SNX14: variants seen among roughly 807,000 people sequenced by gnomAD.
SNX14 encodes the protein sorting nexin 14.
Under a neutral mutation model 133.8 loss-of-function variants are expected in SNX14, and 93 were observed. That is an observed-to-expected ratio of 0.70 (90% confidence interval 0.59 to 0.83). The LOEUF is 0.83. Among genes scored for constraint, SNX14 ranks in the 40% least tolerant of loss-of-function variants. The probability of loss-of-function intolerance (pLI) is 0.00; values close to 1 mark genes in which losing one functional copy is unlikely to be tolerated. For missense variants in SNX14, 945 were observed against 1,094.9 expected, an observed-to-expected ratio of 0.86 and a Z score of 1.93; for synonymous variants, 368 against 365.6, an observed-to-expected ratio of 1.01 and a Z score of -0.07.
chr6:85,524,731 C>T, intron 21 of SNX14, among the ~76,000 whole-genome samples: 1 of 150,658 alleles, frequency 6.6e-6, no homozygotes, highest in East Asian at 1.9e-4. Flanking sequence ...CTGCAGTGAG[C>T]CAAAATCACA....
rs774916274 is a variant in SNX14 at position 85,528,328 on chromosome 6, C to T, written c.1929G>A (p.Arg643=). ...AFPDAQLPSK[R]IIGPKNYEFL... ...ATTCATAATTTTTGGGGCCAATGAT[C>T]CTCTTAGAAGGAAGCTGGGCATCAG... Residue 643 remains arginine, a synonymous_variant, in exon 20 of 29, where the codon AGG becomes AGA. Coordinates refer to ENST00000314673, the MANE Select transcript of SNX14 (RefSeq NM_153816.6). 1.2e-6 allele frequency: 2 copies of T among 1,613,296 alleles called. No homozygotes were observed. The highest frequency in any genetic ancestry group is 1.7e-6 in the Non-Finnish European group (2 of 1,179,660).
At position 85,516,061 on chromosome 6, in the gene SNX14, T is replaced by C. The variant is rs572680865; in HGVS notation, c.2269-1432A>G. On this transcript the variant is annotated intron_variant, in intron 23 of 28. Transcript: ENST00000314673. ...TTTGTATATTAACTTGTACTCTCTA[T>C]ATACATAGCCACAAATCAATGAGGT... Among the ~76,000 whole-genome samples the C allele has an allele frequency of 1.5e-4, 23 of 152,342 alleles. No homozygotes were observed. In the South Asian group the frequency reaches 3.7e-3, roughly 25 times the overall value.
At chr6:85,544,440 T>C (rs972072420) in intron 12 of SNX14, among the ~76,000 whole-genome samples, 1 of 152,068 alleles carries the variant, frequency 6.6e-6, no homozygotes, top group African/African-American at 2.4e-5. Flanking sequence ...AACATGCATA[T>C]AACTGGAGTT....
At chr6:85,559,093 A>G (rs775303787) in intron 6 of SNX14, among the ~76,000 whole-genome samples, 108 of 152,268 alleles carry the variant, frequency 7.1e-4, no homozygotes, top group Non-Finnish European at 7.1e-4. Context: ...TAATTTTTCA[A>G]TTCTTTTTAA....
At chr6:85,551,625 A>C (rs528868964) in intron 7 of SNX14, among the ~76,000 whole-genome samples, 5 of 152,334 alleles carry the variant, frequency 3.3e-5, no homozygotes, top group African/African-American at 9.6e-5. Context: ...TCTGGAATGC[A>C]GCCTTGTTTC....
At chr6:85,592,852 A>C (rs1803283095) in intron 1 of SNX14, among the ~76,000 whole-genome samples, 1 of 151,732 alleles carries the variant, frequency 6.6e-6, no homozygotes, top group South Asian at 2.1e-4. Flanking sequence ...AATACAAAAA[A>C]ATTAGCGTGG....
chr6:85,507,874 G>A (rs1039605937), intron 27 of SNX14, 94 bp downstream of exon 27: 1 of 840,952 alleles, frequency 1.2e-6, no homozygotes, highest in Non-Finnish European at 1.8e-6. Flanking sequence ...GTTTAGTATA[G>A]TGTCATTTAT....
chr6:85,587,419 CTATGAACAACTATATATTAATACA>C (rs1801270896), intron 1 of SNX14, among the ~76,000 whole-genome samples: 1 of 152,126 alleles, frequency 6.6e-6, no homozygotes. Flanking sequence ...AAAAATAAGA[CTATGAACAACTATATATTAATACA>C]TGGAAAATCT....
rs9450298 is a variant in SNX14, at chr6:85,556,310, T to C, written c.634+1666A>G. Among the ~76,000 whole-genome samples the C allele has an allele frequency of 9.0e-3, 1,363 of 152,226 alleles. 15 individuals are homozygous for C. The highest frequency in any genetic ancestry group is 0.03 in the African/African-American group (1,231 of 41,546). On this transcript the variant is annotated intron_variant, in intron 7 of 28. Transcript: ENST00000314673. ...TAGGCACAGTGGCTCACACCTGTAA[T>C]CTCAGCACTTTGGGAGGCCGAGGCA...
At position 85,547,143 on chromosome 6, in the gene SNX14, T is replaced by A; in HGVS notation, c.1077A>T (p.Ala359=). The A allele has an allele frequency of 1.9e-6, 3 of 1,613,990 alleles. No individual in the cohort carries two copies. The highest frequency in any genetic ancestry group is 2.5e-6 in the Non-Finnish European group (3 of 1,179,906). The change falls in exon 12 of 29, where the codon GCA becomes GCT. Residue 359 remains alanine (A), a synonymous_variant. Coordinates refer to ENST00000314673, the MANE Select transcript of SNX14 (RefSeq NM_153816.6). ...TCAAACAAAACTGCAACACGTGCAC[T>A]GCGCCTTCTTGTTTCAGAAAGTTCA... The part of the protein sequence containing the change: ...RFMNFLKQEG[A]VHVLQFCLTV...
chr6:85,529,690 C>T (rs1779637279), intron 19 of SNX14, among the ~76,000 whole-genome samples: 1 of 152,170 alleles, frequency 6.6e-6, no homozygotes, highest in South Asian at 2.1e-4. Flanking sequence ...TTTGCTCTTA[C>T]AGCAGGGACA....
At chr6:85,588,441 G>A (rs934955333) in intron 1 of SNX14, among the ~76,000 whole-genome samples, 2 of 152,032 alleles carry the variant, frequency 1.3e-5, no homozygotes, top group Non-Finnish European at 2.9e-5. Flanking sequence ...GCCGGGCGCG[G>A]TGGCGGGCGC....
At chr6:85,537,922 A>T (rs979382598) in intron 16 of SNX14, among the ~76,000 whole-genome samples, 1 of 152,316 alleles carries the variant, frequency 6.6e-6, no homozygotes, top group South Asian at 2.1e-4. Flanking sequence ...GTGAGGCTCC[A>T]TCAAGAAAAT....
chr6:85,567,625 TG>T (rs1321439388), intron 4 of SNX14, 48 bp from the exon 5 acceptor site: 3 of 1,290,462 alleles, frequency 2.3e-6, no homozygotes, highest in Admixed American at 5.4e-5. Context: ...AATTAGTTTT[TG>T]GAAAATAAAT....
chr6:85,516,979 A>G (rs746072627), intron 23 of SNX14, among the ~76,000 whole-genome samples: 1 of 152,122 alleles, frequency 6.6e-6, no homozygotes, highest in South Asian at 2.1e-4. Flanking sequence ...ATACAAAAAG[A>G]GCTACACCAC....
At chr6:85,522,685 A>G (rs1324130297) in intron 21 of SNX14, among the ~76,000 whole-genome samples, 1 of 152,152 alleles carries the variant, frequency 6.6e-6, no homozygotes, top group African/African-American at 2.4e-5. Context: ...TGAAACCTAA[A>G]TCTGATTAGG....
At chr6:85,531,060 C>T (rs897955928) in intron 18 of SNX14, among the ~76,000 whole-genome samples, 2 of 152,080 alleles carry the variant, frequency 1.3e-5, no homozygotes, top group Non-Finnish European at 2.9e-5. Context: ...CCACATGTTG[C>T]CACTGAGTAC....
At position 85,528,079 on chromosome 6, in the gene SNX14, A is replaced by G. The variant is rs4351223; in HGVS notation, c.1995+183T>C. Among the ~76,000 whole-genome samples, 112,212 of 151,836 alleles carry G rather than the reference A, an allele frequency of 0.74. 42,784 individuals are homozygous for G. Among genetic ancestry groups the G allele is most frequent in the African/African-American group, 0.92 (38,201 of 41,418 alleles). Reference sequence around the variant, plus strand: ...CTTGCATTTCATTCAATTTGGAGGGAGGGTAAGTAATATACTTTTGACAAA... The same window carrying G: ...CTTGCATTTCATTCAATTTGGAGGGGGGGTAAGTAATATACTTTTGACAAA... On this transcript the variant is annotated intron_variant, in intron 20 of 28. Coordinates refer to ENST00000314673, the MANE Select transcript of SNX14 (RefSeq NM_153816.6).
chr6:85,536,135 T>C (rs1781896639), intron 17 of SNX14, among the ~76,000 whole-genome samples: 1 of 152,102 alleles, frequency 6.6e-6, no homozygotes, highest in Non-Finnish European at 1.5e-5. Flanking sequence ...CAGTTCAACT[T>C]GGGGATTTGG....
Sources: allele counts gnomAD v4.1 joint callset (sites outside exome capture counted in the v4.1 genomes callset), GRCh38; gene constraint gnomAD v4.1.1; transcripts MANE v1.5; gene names NCBI Gene and HGNC (gene_info 2026-07-23, HGNC 2026-07-21).